Variants in LRRC7 observed in about 807,000 individuals in gnomAD.
LRRC7 encodes leucine rich repeat containing 7, also known as leucine-rich repeat-containing protein 7.
LRRC7 carries 23 observed loss-of-function variants against 175.7 expected under a neutral mutation model. The observed-to-expected ratio is 0.13, with a 90% CI of 0.09 to 0.19. The LOEUF (loss-of-function observed/expected upper bound fraction) is 0.19, where lower values mean the gene tolerates loss of function less well. Ranked by LOEUF, LRRC7 falls within the 10% of genes least tolerant of loss-of-function variation. LRRC7 has a pLI of 1.00. For missense variants in LRRC7, 1,354 were observed against 1,904.7 expected, an observed-to-expected ratio of 0.71 and a Z score of 5.38; for synonymous variants, 685 against 680.9, an observed-to-expected ratio of 1.01 and a Z score of -0.09.
At chr1:69,919,109 A>AT (rs1320817179) in intron 7 of LRRC7, among the ~76,000 whole-genome samples, 3 of 151,998 alleles carry the variant, frequency 2.0e-5, no homozygotes, top group African/African-American at 2.4e-5. Context: ...GTAAGAAATA[A>AT]TTTTTTTTAA....
intron 4 of LRRC7, among the ~76,000 whole-genome samples, chr1:69,802,019 G>A (rs955467507): frequency 4.0e-5 from 6 of 150,964 alleles, no homozygotes; most frequent in East Asian, 3.9e-4. Context: ...CCATTTATTT[G>A]TGGTTTTGAG....
chr1:70,106,759 A>G (rs1571340733), intron 25 of LRRC7, among the ~76,000 whole-genome samples: 1 of 152,180 alleles, frequency 6.6e-6, no homozygotes, highest in Middle Eastern at 3.2e-3. Flanking sequence ...TTTCCCAGAT[A>G]TAACAGGCAC....
At chr1:69,872,049 T>G (rs747729043) in intron 7 of LRRC7, among the ~76,000 whole-genome samples, 37 of 152,042 alleles carry the variant, frequency 2.4e-4, no homozygotes, top group Non-Finnish European at 4.1e-4. Context: ...ATTTTCATTT[T>G]TTAATGGAAA....
intron 7 of LRRC7, among the ~76,000 whole-genome samples, chr1:69,869,106 C>T (rs1685247694): frequency 6.6e-6 from 1 of 151,988 alleles, no homozygotes; most frequent in Non-Finnish European, 1.5e-5. Flanking sequence ...GAACACAACT[C>T]AGCCCACAAC....
rs190665222 is a variant in LRRC7 at position 69,851,489 on chromosome 1, T to G, written c.647+13206T>G. On this transcript the variant is annotated intron_variant, in intron 7 of 26. Coordinates refer to ENST00000651989, the MANE Select transcript of LRRC7 (RefSeq NM_001370785.2). The stretch of plus-strand genomic sequence containing the variant: ...TTACCAGAAGAAATGCTTGAAGAGG[T>G]GAGGGAATGGGATGTAGAGCACAAA... Among the ~76,000 whole-genome samples the G allele has an allele frequency of 5.0e-4, 75 of 151,398 alleles. 2 individuals carry two copies. Among genetic ancestry groups the G allele is most frequent in the African/African-American group, 1.7e-3 (69 of 41,290 alleles).
Position 70,013,625 on chromosome 1 carries a change from G to A in LRRC7, c.1250+536G>A, listed in dbSNP as rs542424085. Among the ~76,000 whole-genome samples, 18 of 151,936 alleles carry A rather than the reference G, an allele frequency of 1.2e-4. No individual in the cohort carries two copies. In the South Asian group the frequency reaches 3.5e-3, roughly 30 times the overall value. On this transcript the variant is annotated intron_variant, in intron 13 of 26. Coordinates refer to ENST00000651989, the MANE Select transcript of LRRC7 (RefSeq NM_001370785.2). ...GATAGGTCCTTTACTTCCAATAACG[G>A]CATTATATTGATAGATGGGTAAAAA...
intron 8 of LRRC7, among the ~76,000 whole-genome samples, chr1:69,963,080 C>T (rs1009958627): frequency 2.6e-5 from 4 of 151,828 alleles, no homozygotes; most frequent in South Asian, 4.2e-4. Context: ...TGAAGGTGGG[C>T]GGATCACCAG....
At chr1:69,958,712 A>C (rs1650744989) in intron 8 of LRRC7, among the ~76,000 whole-genome samples, 1 of 152,028 alleles carries the variant, frequency 6.6e-6, no homozygotes, top group African/African-American at 2.4e-5. Flanking sequence ...AAACTACTGA[A>C]GTGACCGCAA....
At chr1:69,584,623 G>A (rs12039280) in intron 1 of LRRC7, among the ~76,000 whole-genome samples, 9,835 of 152,038 alleles carry the variant, frequency 0.065, 358 homozygotes, top group Middle Eastern at 0.11. Flanking sequence ...CACTATTACC[G>A]TAATAATTCT....
chr1:69,571,644 G>C (rs1431156024), intron 1 of LRRC7, among the ~76,000 whole-genome samples: 1 of 152,012 alleles, frequency 6.6e-6, no homozygotes, highest in African/African-American at 2.4e-5. Flanking sequence ...TTTTAGAACA[G>C]ATAAAATATT....
intron 3 of LRRC7, among the ~76,000 whole-genome samples, chr1:69,781,842 GAAGGGA>G: frequency 1.2e-5 from 1 of 85,008 alleles, no homozygotes; most frequent in African/African-American, 5.0e-5. Flanking sequence ...AGGAAGGAAG[GAAGGGA>G]GAGAAAGAAA....
intron 24 of LRRC7, among the ~76,000 whole-genome samples, chr1:70,084,752 A>G (rs954631643): frequency 3.9e-5 from 6 of 152,192 alleles, no homozygotes; most frequent in African/African-American, 1.4e-4. Context: ...AGTGGTTACA[A>G]CATATTAATT....
At chr1:69,739,519 A>T (rs1668480113) in intron 2 of LRRC7, among the ~76,000 whole-genome samples, 1 of 152,110 alleles carries the variant, frequency 6.6e-6, no homozygotes, top group South Asian at 2.1e-4. Context: ...CCTCAGAATG[A>T]ATACAACATC....
At chr1:69,658,061 A>G (rs1342840900) in intron 1 of LRRC7, among the ~76,000 whole-genome samples, 1 of 151,864 alleles carries the variant, frequency 6.6e-6, no homozygotes, top group African/African-American at 2.4e-5. Context: ...TAAAGTAACA[A>G]TATGTATTCT....
chr1:69,760,334 T>C lies in LRRC7; in HGVS notation c.244T>C (p.Phe82Leu). Reference sequence around the variant, plus strand: ...GCAGGTGCCAAAGGAGGTCTTTAACTTCGAACGAACATTAGAGGAGCTTTA... The same window carrying C: ...GCAGGTGCCAAAGGAGGTCTTTAACCTCGAACGAACATTAGAGGAGCTTTA... ...LQQVPKEVFN[F>L]ERTLEELYLD... The change falls in exon 3 of 27, where the codon TTC becomes CTC. Residue 82 changes from phenylalanine to leucine, a missense_variant. Physicochemically the swap from Phe to Leu is conservative, Grantham distance 22. Coordinates refer to ENST00000651989, the MANE Select transcript of LRRC7 (RefSeq NM_001370785.2). 1 of 1,612,858 alleles carries C rather than the reference T, an allele frequency of 6.2e-7. No homozygotes were observed. The highest frequency in any genetic ancestry group is 8.5e-7 in the Non-Finnish European group (1 of 1,179,288).
chr1:69,720,500 G>A (rs1666232216), intron 2 of LRRC7, among the ~76,000 whole-genome samples: 1 of 151,570 alleles, frequency 6.6e-6, no homozygotes, highest in South Asian at 2.1e-4. Context: ...ATATTTACCT[G>A]CACATTTACT....
At chr1:70,020,858 T>C in intron 15 of LRRC7, 147 bp from the exon 16 acceptor site, 1 of 550,490 alleles carries the variant, frequency 1.8e-6, no homozygotes, top group African/African-American at 2.0e-5. Flanking sequence ...CTTTTCTCTT[T>C]CCTTCTTTCT....
intron 8 of LRRC7, among the ~76,000 whole-genome samples, chr1:69,970,646 C>G (rs1463494064): frequency 6.6e-6 from 1 of 151,898 alleles, no homozygotes; most frequent in Non-Finnish European, 1.5e-5. Flanking sequence ...AAAGAATTAC[C>G]AACAAAAAGA....
At chr1:70,090,756 C>G (rs1208615891) in intron 25 of LRRC7, among the ~76,000 whole-genome samples, 1 of 152,070 alleles carries the variant, frequency 6.6e-6, no homozygotes, top group African/African-American at 2.4e-5. Flanking sequence ...TGGTCCATAT[C>G]CTCTCAACTC....
Sources: allele counts gnomAD v4.1 joint callset (sites outside exome capture counted in the v4.1 genomes callset), GRCh38; gene constraint gnomAD v4.1.1; transcripts MANE v1.5; gene names NCBI Gene and HGNC (gene_info 2026-07-23, HGNC 2026-07-21).